The following RAD54B variants were observed in gnomAD, a reference collection of about 807,000 sequenced individuals.
RAD54B encodes the protein RAD54 homolog B.
In RAD54B, 78 loss-of-function variants were observed where a neutral mutation model predicts 95.8. The observed-to-expected ratio is 0.81, with a 90% CI of 0.68 to 0.98. RAD54B has a LOEUF of 0.98. Among genes scored for constraint, RAD54B ranks in the 50% least tolerant of loss-of-function variants. RAD54B has a pLI of 0.00. For synonymous variants in RAD54B, 328 were observed against 354.9 expected (o/e 0.92, Z 0.85); for missense variants, 957 against 1,056.6 (o/e 0.91, Z 1.31).
At position 94,431,614 on chromosome 8, in the gene RAD54B, C is replaced by T. The variant is rs545491783; in HGVS notation, c.305-20299G>A. 80 of 927,968 alleles carry T rather than the reference C, an allele frequency of 8.6e-5. No individual in the cohort carries two copies. In the African/African-American group the frequency reaches 1.4e-3, roughly 16 times the overall value. The allele number at this position is 927,968 out of a possible 1,614,324, so 57.5% of individuals were successfully genotyped here. A position where few individuals can be genotyped will look rare whatever the true frequency, so the allele number is the denominator to read the frequency against. On this transcript the variant is annotated intron_variant, in intron 3 of 14. Transcript: ENST00000336148. ...CTGGACCTGTTTCATTACCCCTAAA[C>T]TGCAGAGATGGAAAAAAAGTGTTCT...
chr8:94,436,882 T>C, intron 3 of RAD54B: 2 of 1,496,376 alleles, frequency 1.3e-6, no homozygotes, highest in Non-Finnish European at 1.8e-6. Context: ...TCTTTTCAAA[T>C]TAAGTAGGCA....
At chr8:94,459,698 G>GA (rs1313721819) in intron 2 of RAD54B, among the ~76,000 whole-genome samples, 2 of 145,514 alleles carry the variant, frequency 1.4e-5, no homozygotes, top group Admixed American at 6.9e-5. Context: ...CGTCTCTACT[G>GA]AAAAAACAAA....
intron 1 of RAD54B, among the ~76,000 whole-genome samples, chr8:94,469,163 T>C (rs1441034760): frequency 2.0e-5 from 3 of 151,836 alleles, no homozygotes; most frequent in African/African-American, 7.3e-5. Context: ...TAAGATTTTA[T>C]TTTTCATCAA....
intron 3 of RAD54B, among the ~76,000 whole-genome samples, chr8:94,413,328 T>C (rs1382420015): frequency 4.6e-5 from 7 of 152,194 alleles, no homozygotes; most frequent in Admixed American, 4.6e-4. Context: ...GGTACTGCCC[T>C]TCCTCTCCAA....
intron 3 of RAD54B, among the ~76,000 whole-genome samples, chr8:94,423,764 A>G (rs1452514679): frequency 1.3e-5 from 2 of 152,156 alleles, no homozygotes; most frequent in African/African-American, 4.8e-5. Context: ...TTTTCACACA[A>G]ATTTTGCTGT....
In RAD54B at chr8:94,427,962, T is replaced by C. The variant is rs939674553; in HGVS notation, c.305-16647A>G. On this transcript the variant is annotated intron_variant, in intron 3 of 14. Transcript: ENST00000336148. ...AAAAAATGAAATAACACCAAGTTAA[T>C]ATCTCATCATACACAAAAGAAAAAT... 6 of 911,674 alleles carry C rather than the reference T, an allele frequency of 6.6e-6. No homozygotes were observed. The African/African-American group carries it at 7.2e-5, about 11-fold the overall frequency. The allele number at this position is 911,674 out of a possible 1,614,324, so 56.5% of individuals were successfully genotyped here.
chr8:94,456,769 T>A (rs893302677), intron 3 of RAD54B, among the ~76,000 whole-genome samples: 74 of 152,166 alleles, frequency 4.9e-4, no homozygotes, highest in South Asian at 2.1e-4. Context: ...AGGTCTCTCA[T>A]CTCTATGCTT....
intron 1 of RAD54B, among the ~76,000 whole-genome samples, chr8:94,472,005 T>C (rs1813182271): frequency 6.6e-6 from 1 of 152,124 alleles, no homozygotes; most frequent in African/African-American, 2.4e-5. Context: ...GGTTAGACAT[T>C]TCCCAATTTC....
Position 94,387,144 on chromosome 8 carries a change from A to C in RAD54B, c.1825T>G (p.Ser609Ala). Residue 609 changes from serine (S) to alanine (A), a missense_variant, in exon 11 of 15, where the codon TCA (serine) becomes GCA (alanine). Transcript: ENST00000336148. ...TTTTCTTCATTTTTATCACAAGTTG[A>C]GCTACATTCCTTTTCCTATTCAAAA... ...FNSIKEKECS[S>A]TCDKNEEKSL... is the part of the protein sequence containing the mutation. 6.3e-7 allele frequency: 1 copy of C among 1,593,850 alleles called. No homozygotes were observed. The highest frequency in any genetic ancestry group is 8.5e-7 in the Non-Finnish European group (1 of 1,173,342).
chr8:94,446,188 G>A (rs904228760), intron 3 of RAD54B, among the ~76,000 whole-genome samples: 11 of 152,158 alleles, frequency 7.2e-5, no homozygotes, highest in Non-Finnish European at 1.6e-4. Context: ...TAATAGTAAA[G>A]AATAATTGTG....
At chr8:94,471,001 T>A (rs1305598814) in intron 1 of RAD54B, among the ~76,000 whole-genome samples, 2 of 152,182 alleles carry the variant, frequency 1.3e-5, no homozygotes, top group African/African-American at 4.8e-5. Context: ...TTTTTCCCAC[T>A]TTTCTTTGCC....
At position 94,404,135 on chromosome 8, in the gene RAD54B, G is replaced by C; in HGVS notation, c.886C>G (p.Leu296Val). ...ATTCCTTCTTTCTGATGTGGTCGAA[G>C]ATGATATACAAGGTAAGGATCAATC... ...VVIDPYLVYH[L>V]RPHQKEGIIF... The change falls in exon 6 of 15, where the codon CTT (leucine) becomes GTT (valine). Residue 296 changes from leucine to valine, a missense_variant. By Grantham distance (32) the Leu-to-Val change is conservative. Coordinates refer to ENST00000336148, the MANE Select transcript of RAD54B (RefSeq NM_012415.3). The C allele has an allele frequency of 6.2e-7, 1 of 1,611,112 alleles. No homozygotes were observed. The highest frequency in any genetic ancestry group is 8.5e-7 in the Non-Finnish European group (1 of 1,177,954).
chr8:94,442,386 C>A (rs1406476514), intron 3 of RAD54B, among the ~76,000 whole-genome samples: 4 of 152,054 alleles, frequency 2.6e-5, no homozygotes, highest in East Asian at 1.9e-4. Flanking sequence ...TCCTGGCTAA[C>A]ATGGTGAAAC....
chr8:94,422,638 ATATATATATATATAT>A (rs1811848163), intron 3 of RAD54B, among the ~76,000 whole-genome samples: 1 of 120,308 alleles, frequency 8.3e-6, no homozygotes, highest in African/African-American at 3.0e-5. Context: ...ATATATATAT[ATATATATATATATAT>A]AAAATTATCA....
chr8:94,406,638 G>T (rs541931716), intron 5 of RAD54B, among the ~76,000 whole-genome samples: 1 of 152,142 alleles, frequency 6.6e-6, no homozygotes, highest in Non-Finnish European at 1.5e-5. Context: ...GATCTCAAAG[G>T]CCTCTTTACT....
chr8:94,417,616 A>T (rs1017625397), intron 3 of RAD54B, among the ~76,000 whole-genome samples: 4 of 152,084 alleles, frequency 2.6e-5, no homozygotes, highest in Non-Finnish European at 2.9e-5. Flanking sequence ...TAAAAGTTAA[A>T]CATACACCTA....
At chr8:94,405,886 C>A (rs186025386) in intron 5 of RAD54B, among the ~76,000 whole-genome samples, 1 of 152,004 alleles carries the variant, frequency 6.6e-6, no homozygotes, top group Admixed American at 6.6e-5. Context: ...ATGATGAAGA[C>A]GATCATTTAA....
chr8:94,474,786 C>T (rs1298725067), intron 1 of RAD54B, among the ~76,000 whole-genome samples: 3 of 152,198 alleles, frequency 2.0e-5, no homozygotes, highest in African/African-American at 4.8e-5. Flanking sequence ...AAACCCCCAC[C>T]GCCCGCCCTT....
intron 10 of RAD54B, 112 bp downstream of exon 10, chr8:94,391,497 T>G: frequency 8.7e-7 from 1 of 1,153,608 alleles, no homozygotes; most frequent in Non-Finnish European, 1.2e-6. Context: ...CCAGCAGAGC[T>G]TTTTGAAAAC....
Sources: gnomAD v4.1 joint callset for allele counts (sites outside exome capture counted in the v4.1 genomes callset) on GRCh38, gnomAD v4.1.1 for gene constraint, MANE v1.5 for transcripts, NCBI Gene and HGNC (gene_info 2026-07-23, HGNC 2026-07-21) for gene names.